Variants in DISP1 observed in about 807,000 individuals in gnomAD.
The protein encoded by DISP1 is dispatched RND transporter family member 1.
Under a neutral mutation model 37.3 loss-of-function variants are expected in DISP1, and 30 were observed. The observed-to-expected ratio is 0.80, with a 90% CI of 0.60 to 1.09. The LOEUF (loss-of-function observed/expected upper bound fraction) is 1.09. DISP1 is among the 50% of genes least tolerant of loss of function. DISP1 has a pLI of 0.00. For synonymous variants in DISP1, 634 were observed against 690.2 expected, an observed-to-expected ratio of 0.92 and a Z score of 1.28; for missense variants, 1,598 against 1,879.5, an observed-to-expected ratio of 0.85 and a Z score of 2.77.
intron 8 of DISP1, among the ~76,000 whole-genome samples, chr1:223,002,085 A>T (rs1167289082): frequency 2.6e-5 from 4 of 152,126 alleles, no homozygotes. Flanking sequence ...GTAGGTGTTA[A>T]TTTGATCTCC....
intron 7 of DISP1, among the ~76,000 whole-genome samples, chr1:222,992,820 G>A (rs1159739495): frequency 2.0e-5 from 3 of 151,366 alleles, no homozygotes; most frequent in Non-Finnish European, 4.4e-5. Context: ...CTAGAAATGA[G>A]GGCCCAAATG....
At chr1:222,866,793 G>T (rs987221117) in intron 1 of DISP1, among the ~76,000 whole-genome samples, 1 of 152,070 alleles carries the variant, frequency 6.6e-6, no homozygotes. Context: ...CTATACATTT[G>T]CAGTTTGGCA....
At chr1:222,925,976 T>C (rs1281019934) in intron 1 of DISP1, among the ~76,000 whole-genome samples, 1 of 152,148 alleles carries the variant, frequency 6.6e-6, no homozygotes, top group Non-Finnish European at 1.5e-5. Flanking sequence ...ATTTCAGTGG[T>C]TTTTAGTGTA....
chr1:222,824,510 G>A (rs1445742342), intron 1 of DISP1, among the ~76,000 whole-genome samples: 1 of 152,164 alleles, frequency 6.6e-6, no homozygotes, highest in Non-Finnish European at 1.5e-5. Flanking sequence ...ACTTTTTAGA[G>A]AGAGTTAGCA....
chr1:222,831,805 A>T lies in DISP1; in HGVS notation c.-159+16727A>T, dbSNP rs145948638. On this transcript the variant is annotated intron_variant, in intron 1 of 8. Coordinates refer to ENST00000675850, the MANE Select transcript of DISP1 (RefSeq NM_001377229.1). The stretch of plus-strand genomic sequence containing the variant: ...CCAGTTTGGTTATAATATATGGGAT[A>T]CATTTTAGAGAGTAGGAAAAGATAA... Among the ~76,000 whole-genome samples the T allele has an allele frequency of 2.8e-3, 421 of 152,302 alleles. 1 individual carries two copies. The highest frequency in any genetic ancestry group is 4.1e-3 in the Non-Finnish European group (276 of 68,016).
At chr1:222,872,247 C>T (rs1156946101) in intron 1 of DISP1, 1 of 152,104 alleles carries the variant, frequency 6.6e-6, no homozygotes, top group Non-Finnish European at 1.5e-5. Context: ...CTAAAATTCT[C>T]TTTTTTTGTT....
chr1:222,838,144 C>A (rs1667360560), intron 1 of DISP1, among the ~76,000 whole-genome samples: 1 of 152,060 alleles, frequency 6.6e-6, no homozygotes, highest in East Asian at 1.9e-4. Flanking sequence ...TTTTCCTTTC[C>A]CTCTCAACTT....
At chr1:222,951,912 CT>C (rs1675252814) in intron 3 of DISP1, among the ~76,000 whole-genome samples, 1 of 151,746 alleles carries the variant, frequency 6.6e-6, no homozygotes, top group Non-Finnish European at 1.5e-5. Context: ...AATACCAGTG[CT>C]TTTACAGAGG....
intron 1 of DISP1, among the ~76,000 whole-genome samples, chr1:222,904,817 C>T (rs1266283051): frequency 1.3e-5 from 2 of 152,122 alleles, no homozygotes; most frequent in South Asian, 2.1e-4. Context: ...CTGCCCACCT[C>T]GGTCTCACAA....
intron 1 of DISP1, among the ~76,000 whole-genome samples, chr1:222,855,622 T>G (rs1668506583): frequency 6.6e-6 from 1 of 152,208 alleles, no homozygotes; most frequent in African/African-American, 2.4e-5. Context: ...ATTTTCACAG[T>G]TAATCTTATT....
At position 223,002,470 on chromosome 1, in the gene DISP1, T is replaced by A; in HGVS notation, c.1073T>A (p.Ile358Asn). ...CCCAGCTGGACACTGGGAAACTACATCGCCATTCTGAACAATAGATCGTCC... is the reference window on the plus strand; with the variant it reads ...CCCAGCTGGACACTGGGAAACTACAACGCCATTCTGAACAATAGATCGTCC... Reference protein sequence around the residue: ...CCPSWTLGNYIAILNNRSSCQ... With the variant: ...CCPSWTLGNYNAILNNRSSCQ... Residue 358 changes from isoleucine to asparagine, a missense_variant, in exon 9 of 9, where the codon ATC becomes AAC. Coordinates refer to ENST00000675850, the MANE Select transcript of DISP1 (RefSeq NM_001377229.1). 6.2e-7 allele frequency: 1 copy of A among 1,614,140 alleles called. No homozygotes were observed. The highest frequency in any genetic ancestry group is 8.5e-7 in the Non-Finnish European group (1 of 1,180,028).
intron 3 of DISP1, among the ~76,000 whole-genome samples, chr1:222,978,425 G>T (rs540544321): frequency 0.018 from 2,692 of 152,202 alleles, 76 homozygotes; most frequent in African/African-American, 0.062. Flanking sequence ...ATATTAGCCC[G>T]TTGTCAGATG....
At chr1:222,902,589 A>C (rs942810618) in intron 1 of DISP1, among the ~76,000 whole-genome samples, 2 of 152,168 alleles carry the variant, frequency 1.3e-5, no homozygotes, top group African/African-American at 4.8e-5. Context: ...ATCTACAATG[A>C]ACTCAAACAA....
intron 1 of DISP1, among the ~76,000 whole-genome samples, chr1:222,911,893 A>G (rs1040056914): frequency 6.6e-6 from 1 of 152,230 alleles, no homozygotes; most frequent in African/African-American, 2.4e-5. Flanking sequence ...AGGGAGGCAC[A>G]TCTCACACAT....
chr1:222,920,536 C>T (rs756822010), intron 1 of DISP1, among the ~76,000 whole-genome samples: 2 of 152,124 alleles, frequency 1.3e-5, no homozygotes, highest in Non-Finnish European at 2.9e-5. Flanking sequence ...TAACACTATA[C>T]TTTGTGTGGG....
chr1:222,815,379 G>C (rs1660921793), intron 1 of DISP1, among the ~76,000 whole-genome samples: 1 of 152,106 alleles, frequency 6.6e-6, no homozygotes, highest in Non-Finnish European at 1.5e-5. Context: ...GTTGCATCTC[G>C]GAGGAAAGTA....
intron 3 of DISP1, among the ~76,000 whole-genome samples, chr1:222,950,463 G>A (rs1675131337): frequency 6.6e-6 from 1 of 152,114 alleles, no homozygotes; most frequent in Non-Finnish European, 1.5e-5. Context: ...AGCTGGGCGT[G>A]GTGGTGGGCA....
rs145631606 is a variant in DISP1 at position 222,973,332 on chromosome 1, G to A, written c.510-9748G>A. On this transcript the variant is annotated intron_variant, in intron 3 of 8. Transcript: ENST00000675850. ...TTCCTAATCCTTTTCTTTCCTCTCT[G>A]GTAAACAGGTCTATTGATTTGCCAA... is the stretch of plus-strand genomic sequence containing the variant. 1.1e-4 allele frequency among the ~76,000 whole-genome samples: 16 copies of A among 152,062 alleles called. No homozygotes were observed. The East Asian group carries it at 3.1e-3, about 29-fold the overall frequency.
intron 1 of DISP1, among the ~76,000 whole-genome samples, chr1:222,856,886 T>G (rs528217282): frequency 6.6e-6 from 1 of 151,934 alleles, no homozygotes; most frequent in Non-Finnish European, 1.5e-5. Context: ...GTATTTTAAG[T>G]AGAGATGGGG....
Sources: gnomAD v4.1 joint callset for allele counts (sites outside exome capture counted in the v4.1 genomes callset) on GRCh38, gnomAD v4.1.1 for gene constraint, MANE v1.5 for transcripts, NCBI Gene and HGNC (gene_info 2026-07-23, HGNC 2026-07-21) for gene names.